PAX9: variants seen among roughly 807,000 people sequenced by gnomAD.
The protein encoded by PAX9 is paired box protein Pax-9.
In PAX9, 6 loss-of-function variants were observed where a neutral mutation model predicts 29.1. The observed-to-expected ratio is 0.21, with a 90% CI of 0.11 to 0.41. The LOEUF is 0.41. PAX9 is among the 10% of genes least tolerant of loss of function. The pLI, the probability that PAX9 is intolerant of heterozygous loss-of-function variation, is 1.00. For missense variants in PAX9, 443 were observed against 479.1 expected, an observed-to-expected ratio of 0.92 and a Z score of 0.70; for synonymous variants, 217 against 211.7, an observed-to-expected ratio of 1.03 and a Z score of -0.22.
upstream of PAX9, among the ~76,000 whole-genome samples, chr14:36,660,639 G>C (rs984337381): frequency 2.0e-5 from 3 of 152,142 alleles, no homozygotes; most frequent in African/African-American, 7.2e-5. Flanking sequence ...GGACTGTTGG[G>C]GAAGCAGCCT....
rs1266341760 is a variant in PAX9 at position 36,676,738 on chromosome 14, A to G, written c.*286A>G. On this transcript the variant is annotated 3_prime_UTR_variant, in exon 4 of 4. Coordinates refer to ENST00000361487, the MANE Select transcript of PAX9 (RefSeq NM_001372076.1). ...ACATACTGTCTTAACATAACAAAGAAACCTACACCCCTCAAAGGGTTTAAG... is the reference window on the plus strand; with the variant it reads ...ACATACTGTCTTAACATAACAAAGAGACCTACACCCCTCAAAGGGTTTAAG... 2.2e-6 allele frequency: 1 copy of G among 463,018 alleles called. No individual in the cohort carries two copies. The highest frequency in any genetic ancestry group is 4.0e-6 in the Non-Finnish European group (1 of 251,410). 28.7% of individuals were successfully genotyped at this position (463,018 alleles called of 1,614,324 possible).
In PAX9 at chr14:36,678,744, A is replaced by AT. The variant is rs1192068599; in HGVS notation, c.*2299dup. ...ATCTCTTGTTATTGTGCTATTTATA[A>AT]TTTTTTTCTGGTTCTTGTATTTTAA... On this transcript the variant is annotated 3_prime_UTR_variant, in exon 4 of 4. Transcript: ENST00000361487. 21 of 1,147,514 alleles carry AT rather than the reference A, an allele frequency of 1.8e-5. No homozygotes were observed. The highest frequency in any genetic ancestry group is 3.6e-4 in the Middle Eastern group (1 of 2,804). The allele number at this position is 1,147,514 out of a possible 1,614,324, so 71.1% of individuals were successfully genotyped here.
chr14:36,675,323 T>A (rs1328854255), intron 3 of PAX9, among the ~76,000 whole-genome samples: 3 of 152,220 alleles, frequency 2.0e-5, no homozygotes, highest in Non-Finnish European at 4.4e-5. Context: ...ATACCAACAA[T>A]AATTCACTGG....
chr14:36,663,066 G>T lies in PAX9; in HGVS notation c.174G>T (p.Ala58=), dbSNP rs1343019162. 1 of 1,613,902 alleles carries T rather than the reference G, an allele frequency of 6.2e-7. No homozygotes were observed. Among genetic ancestry groups the T allele is most frequent in the South Asian group, 1.1e-5 (1 of 91,088 alleles). The stretch of plus-strand genomic sequence containing the variant: ...ACGGCTGCGTCAGCAAGATCCTGGC[G>T]CGATACAACGAGACGGGCTCGATCT... ...VSHGCVSKIL[A]RYNETGSILP... The change falls in exon 2 of 4, where the codon GCG becomes GCT. Residue 58 remains alanine (A), a synonymous_variant. Transcript: ENST00000361487.
upstream of PAX9, chr14:36,661,717 C>T: frequency 5.4e-6 from 2 of 372,130 alleles, no homozygotes; most frequent in Non-Finnish European, 9.7e-6. Flanking sequence ...GGGGAGCTAG[C>T]CTGAAAGAGA....
chr14:36,671,032 A>T (rs1205943718), intron 3 of PAX9: 1 of 434,168 alleles, frequency 2.3e-6, no homozygotes, highest in Admixed American at 2.7e-5. Flanking sequence ...AAAAGAGAAA[A>T]TCTTGTTTAT....
rs1290544476 is a variant in PAX9, at chr14:36,663,339, G to A, written c.447G>A (p.Thr149=). Reference sequence around the variant, plus strand: ...ACTCATACAAGCAGCACCAGCCGACGCCGCAGCCAGCGCTGCCCTACAACC... The same window carrying A: ...ACTCATACAAGCAGCACCAGCCGACACCGCAGCCAGCGCTGCCCTACAACC... ...HYDSYKQHQP[T]PQPALPYNHI... is the part of the protein sequence containing the mutation. The change falls in exon 2 of 4, where the codon ACG becomes ACA. Residue 149 remains threonine, a synonymous_variant. Coordinates refer to ENST00000361487, the MANE Select transcript of PAX9 (RefSeq NM_001372076.1). 1 of 1,614,116 alleles carries A rather than the reference G, an allele frequency of 6.2e-7. No homozygotes were observed. Among genetic ancestry groups the A allele is most frequent in the East Asian group, 2.2e-5 (1 of 44,870 alleles).
At chr14:36,658,373 T>TG (rs36065207), upstream of PAX9, among the ~76,000 whole-genome samples, 16,639 of 128,370 alleles carry the variant, frequency 0.13, 1,139 homozygotes, top group South Asian at 0.22. Context: ...GGGCCTCGCT[T>TG]GGGGGGGGGG....
At chr14:36,662,711 AT>A (rs1394279883) in intron 1 of PAX9, 185 bp from the exon 2 acceptor site, 2 of 684,226 alleles carry the variant, frequency 2.9e-6, no homozygotes, top group Non-Finnish European at 4.8e-6. Context: ...AGGGGGTCCG[AT>A]TGGACAGTGA....
At chr14:36,663,877 G>A (rs1881389445) in intron 2 of PAX9, among the ~76,000 whole-genome samples, 1 of 152,334 alleles carries the variant, frequency 6.6e-6, no homozygotes, top group South Asian at 2.1e-4. Flanking sequence ...GACTTGGGGC[G>A]CAGCCCGGGA....
At chr14:36,664,179 T>TTC (rs200436617) in intron 2 of PAX9, among the ~76,000 whole-genome samples, 4 of 151,812 alleles carry the variant, frequency 2.6e-5, no homozygotes, top group Non-Finnish European at 4.4e-5. Flanking sequence ...CATATTCACA[T>TTC]TCTCTCTCTC....
chr14:36,676,118 G>T, intron 3 of PAX9, 80 bp from the exon 4 acceptor site: 1 of 1,499,398 alleles, frequency 6.7e-7, no homozygotes, highest in Non-Finnish European at 9.3e-7. Flanking sequence ...TCAGACTTAA[G>T]TTCTGCTTCT....
At chr14:36,671,616 T>C (rs1254364345) in intron 3 of PAX9, among the ~76,000 whole-genome samples, 2 of 152,146 alleles carry the variant, frequency 1.3e-5, no homozygotes, top group Non-Finnish European at 2.9e-5. Context: ...GTATCCTGTT[T>C]TGTGGGGATA....
intron 3 of PAX9, among the ~76,000 whole-genome samples, chr14:36,668,271 T>C (rs1197406625): frequency 1.3e-5 from 2 of 152,332 alleles, no homozygotes; most frequent in South Asian, 4.1e-4. Flanking sequence ...AGGTCATCAT[T>C]GATTGGAATA....
intron 2 of PAX9, chr14:36,666,213 A>C (rs1283731097): frequency 5.6e-6 from 3 of 537,128 alleles, no homozygotes; most frequent in Non-Finnish European, 9.9e-6. Context: ...AAAAAGAAAA[A>C]AGTGTCTTCC....
chr14:36,674,822 T>A (rs1178389665), intron 3 of PAX9, among the ~76,000 whole-genome samples: 2 of 152,230 alleles, frequency 1.3e-5, no homozygotes, highest in Non-Finnish European at 2.9e-5. Flanking sequence ...GACACAAGGC[T>A]AACCCCTCTA....
At chr14:36,669,726 C>T (rs1040504933) in intron 3 of PAX9, among the ~76,000 whole-genome samples, 1 of 152,082 alleles carries the variant, frequency 6.6e-6, no homozygotes, top group Non-Finnish European at 1.5e-5. Context: ...ACTGTATGCA[C>T]ATTTCAGCTA....
Position 36,678,467 on chromosome 14 carries a change from A to G in PAX9, c.*2015A>G, listed in dbSNP as rs1264723691. On this transcript the variant is annotated 3_prime_UTR_variant, in exon 4 of 4. Coordinates refer to ENST00000361487, the MANE Select transcript of PAX9 (RefSeq NM_001372076.1). The stretch of plus-strand genomic sequence containing the variant: ...CTTTGATCTTGTAAAACTTCCATTG[A>G]CATCTGGAGTTCCCAGTCTGGTGAG... 6.5e-7 allele frequency: 1 copy of G among 1,532,578 alleles called. No individual in the cohort carries two copies. Among genetic ancestry groups the G allele is most frequent in the Non-Finnish European group, 8.8e-7 (1 of 1,142,802 alleles). 94.9% of individuals were successfully genotyped at this position (1,532,578 alleles called of 1,614,324 possible).
At chr14:36,660,584 C>A (rs1376512895), upstream of PAX9, among the ~76,000 whole-genome samples, 1 of 152,132 alleles carries the variant, frequency 6.6e-6, no homozygotes, top group Non-Finnish European at 1.5e-5. Flanking sequence ...GATCTGGGAC[C>A]AGTCAGCTTC....
Sources: allele counts gnomAD v4.1 joint callset (sites outside exome capture counted in the v4.1 genomes callset), GRCh38; gene constraint gnomAD v4.1.1; transcripts MANE v1.5; gene names NCBI Gene and HGNC (gene_info 2026-07-23, HGNC 2026-07-21).